STK11: variants seen among roughly 807,000 people sequenced by gnomAD.
STK11 encodes the protein serine/threonine kinase 11, also known as serine/threonine-protein kinase STK11.
In STK11, 8 loss-of-function variants were observed where a neutral mutation model predicts 47.3. The ratio of observed to expected loss-of-function variants is 0.17; its 90% CI spans 0.10 to 0.31. The LOEUF is 0.31. Ranked by LOEUF, STK11 falls within the 10% of genes least tolerant of loss-of-function variation. The probability of loss-of-function intolerance (pLI) is 1.00; values close to 1 mark genes in which losing one functional copy is unlikely to be tolerated. For missense variants in STK11, 475 were observed against 605.0 expected (o/e 0.79, Z 2.25); for synonymous variants, 330 against 255.8 (o/e 1.29, Z -2.77).
chr19:1,219,399 G>A lies in STK11; in HGVS notation c.450G>A (p.Val150=), dbSNP rs1555737821. 4 of 1,578,342 alleles carry A rather than the reference G, an allele frequency of 2.5e-6. No individual in the cohort carries two copies. Among genetic ancestry groups the A allele is most frequent in the Non-Finnish European group, 3.4e-6 (4 of 1,163,970 alleles). ...GCGTGCCGGAGAAGCGTTTCCCAGT[G>A]TGCCAGGCCCACGGGTGCGTGCGCG... ...LDSVPEKRFP[V]CQAHGYFCQL... Residue 150 remains valine, a synonymous_variant, in exon 3 of 10, where the codon GTG becomes GTA. Transcript: ENST00000326873.
chr19:1,227,492 C>A, intron 9 of STK11, 101 bp from the exon 10 acceptor site: 1 of 1,052,124 alleles, frequency 9.5e-7, no homozygotes, highest in Non-Finnish European at 1.2e-6. Context: ...AGTCCGGTAG[C>A]CCCATGACTG....
In STK11 at chr19:1,206,639, C is replaced by G; in HGVS notation, c.-275C>G. ...CGTCTCCCAGTTCTGAGGCCCGGGT[C>G]CCACTGGAACTCGCGTCTGAGCCGC... On this transcript the variant is annotated 5_prime_UTR_variant, in exon 1 of 10. Coordinates refer to ENST00000326873, the MANE Select transcript of STK11 (RefSeq NM_000455.5). The G allele has an allele frequency of 1.9e-6, 1 of 516,410 alleles. No homozygotes were observed. The highest frequency in any genetic ancestry group is 2.6e-5 in the South Asian group (1 of 39,072). 32.0% of individuals were successfully genotyped at this position (516,410 alleles called of 1,614,324 possible).
intron 8 of STK11, 52 bp downstream of exon 8, chr19:1,223,224 C>T (rs2145431675): frequency 6.4e-7 from 1 of 1,569,336 alleles, no homozygotes; most frequent in Non-Finnish European, 8.6e-7. Context: ...CCAGGATGTC[C>T]CACGGGAGCA....
At chr19:1,215,374 C>T (rs969888954) in intron 1 of STK11, among the ~76,000 whole-genome samples, 15 of 152,356 alleles carry the variant, frequency 9.8e-5, no homozygotes, top group African/African-American at 2.9e-4. Context: ...AAGTGGGGGA[C>T]GCTTTCAGGG....
chr19:1,219,535 T>G (rs1182684339), intron 3 of STK11, 122 bp downstream of exon 3: 8 of 967,754 alleles, frequency 8.3e-6, no homozygotes. Context: ...CAAGTTTTTT[T>G]GTTTTTTTGT....
rs529345347 is a variant in STK11 at position 1,208,006 on chromosome 19, G to A, written c.290+803G>A. ...TGGCCGGGGGTGTCCCTGCCTTATCGCAGCCAGACACGCTGCACCTGCCGC... is the reference window on the plus strand; with the variant it reads ...TGGCCGGGGGTGTCCCTGCCTTATCACAGCCAGACACGCTGCACCTGCCGC... On this transcript the variant is annotated intron_variant, in intron 1 of 9. Transcript: ENST00000326873. Among the ~76,000 whole-genome samples the A allele has an allele frequency of 2.0e-5, 3 of 152,314 alleles. No homozygotes were observed. In the East Asian group the frequency reaches 5.8e-4, roughly 29 times the overall value.
rs747435838 is a variant in STK11, at chr19:1,206,964, G to A, written c.51G>A (p.Leu17=). 6.2e-7 allele frequency: 1 copy of A among 1,610,240 alleles called. No homozygotes were observed. Among genetic ancestry groups the A allele is most frequent in the Non-Finnish European group, 8.5e-7 (1 of 1,178,496 alleles). Residue 17 remains leucine, a synonymous_variant, in exon 1 of 10, where the codon CTG becomes CTA. Coordinates refer to ENST00000326873, the MANE Select transcript of STK11 (RefSeq NM_000455.5). ...TGGGCATGTTCACGGAGGGCGAGCT[G>A]ATGTCGGTGGGTATGGACACGTTCA... ...QQLGMFTEGE[L]MSVGMDTFIH...
chr19:1,223,842 G>A, intron 8 of STK11: 1 of 1,026,854 alleles, frequency 9.7e-7, no homozygotes, highest in Non-Finnish European at 1.2e-6. Context: ...TTCGGCCCAG[G>A]GCTGGGCCGT....
At position 1,228,056 on chromosome 19, in the gene STK11, T is replaced by A. The variant is rs1446502466; in HGVS notation, c.*480T>A. 9.4e-7 allele frequency: 1 copy of A among 1,065,380 alleles called. No homozygotes were observed. The highest frequency in any genetic ancestry group is 1.1e-6 in the Non-Finnish European group (1 of 879,354). The allele number at this position is 1,065,380 out of a possible 1,614,324, so 66.0% of individuals were successfully genotyped here. A position where few individuals can be genotyped will look rare whatever the true frequency, so the allele number is the denominator to read the frequency against. On this transcript the variant is annotated 3_prime_UTR_variant, in exon 10 of 10. Coordinates refer to ENST00000326873, the MANE Select transcript of STK11 (RefSeq NM_000455.5). ...TGTTTGGTTGGTTCCATTTTCTTTT[T>A]TTCTTTTTTTTTTTAAGAAAAAATA... is the stretch of plus-strand genomic sequence containing the variant.
At chr19:1,209,806 G>A (rs2080696963) in intron 1 of STK11, among the ~76,000 whole-genome samples, 1 of 152,026 alleles carries the variant, frequency 6.6e-6, no homozygotes, top group Non-Finnish European at 1.5e-5. Flanking sequence ...GGTGGAGACA[G>A]GCAAGAAGGT....
intron 1 of STK11, among the ~76,000 whole-genome samples, chr19:1,208,275 C>G (rs557011009): frequency 1.3e-5 from 2 of 151,508 alleles, no homozygotes; most frequent in South Asian, 2.1e-4. Flanking sequence ...TCTCACCTCT[C>G]TCCTGCTCAG....
intron 1 of STK11, among the ~76,000 whole-genome samples, chr19:1,216,860 A>G (rs2080748226): frequency 6.6e-6 from 1 of 150,724 alleles, no homozygotes; most frequent in Admixed American, 6.6e-5. Flanking sequence ...AGTGCATCAC[A>G]CACTGTGTGT....
Position 1,228,236 on chromosome 19 carries a change from C to T in STK11, c.*660C>T, listed in dbSNP as rs779428892. 5 of 641,976 alleles carry T rather than the reference C, an allele frequency of 7.8e-6. No individual in the cohort carries two copies. Among genetic ancestry groups the T allele is most frequent in the Non-Finnish European group, 1.0e-5 (5 of 492,876 alleles). The allele number at this position is 641,976 out of a possible 1,614,324, so 39.8% of individuals were successfully genotyped here. A position where few individuals can be genotyped will look rare whatever the true frequency, so the allele number is the denominator to read the frequency against. On this transcript the variant is annotated 3_prime_UTR_variant, in exon 10 of 10. Coordinates refer to ENST00000326873, the MANE Select transcript of STK11 (RefSeq NM_000455.5). ...GAGGGCAGGACCCTCACCTCTCCCC[C>T]AAGGCCACTGCGCTCTTGGGACCCC...
At chr19:1,220,972 A>AG (rs950031893) in intron 5 of STK11, among the ~76,000 whole-genome samples, 1 of 152,174 alleles carries the variant, frequency 6.6e-6, no homozygotes, top group Non-Finnish European at 1.5e-5. Context: ...AGAGCCCCAC[A>AG]GGGAAGCTGG....
Position 1,227,766 on chromosome 19 carries a change from C to T in STK11, c.*190C>T. 9.3e-7 allele frequency: 1 copy of T among 1,073,634 alleles called. No homozygotes were observed. Among genetic ancestry groups the T allele is most frequent in the Non-Finnish European group, 1.1e-6 (1 of 884,384 alleles). The allele number at this position is 1,073,634 out of a possible 1,614,324, so 66.5% of individuals were successfully genotyped here. ...ACAGCAGGGACCGGGCGCAGCCCTCCCCCCTCGGCCGCCCGGCAGTGCACG... is the reference window on the plus strand; with the variant it reads ...ACAGCAGGGACCGGGCGCAGCCCTCTCCCCTCGGCCGCCCGGCAGTGCACG... On this transcript the variant is annotated 3_prime_UTR_variant, in exon 10 of 10. Coordinates refer to ENST00000326873, the MANE Select transcript of STK11 (RefSeq NM_000455.5).
intron 1 of STK11, among the ~76,000 whole-genome samples, chr19:1,207,951 C>A (rs2080679875): frequency 6.6e-6 from 1 of 152,226 alleles, no homozygotes; most frequent in Admixed American, 6.5e-5. Flanking sequence ...GCAGCACTGG[C>A]CGGCCTGAGC....
rs2080665527 is a variant in STK11, at chr19:1,206,431, G to C, written c.-483G>C. 1 of 236,468 alleles carries C rather than the reference G, an allele frequency of 4.2e-6. No homozygotes were observed. Among genetic ancestry groups the C allele is most frequent in the African/African-American group, 2.2e-5 (1 of 45,338 alleles). 14.6% of individuals were successfully genotyped at this position (236,468 alleles called of 1,614,324 possible). A position where few individuals can be genotyped will look rare whatever the true frequency, so the allele number is the denominator to read the frequency against. On this transcript the variant is annotated 5_prime_UTR_variant, in exon 1 of 10. Transcript: ENST00000326873. ...CAGCGAAGTTGGGCTCTCCAGGTGT[G>C]GGGGTCCCGGGGGGTAGCGACGTCG...
At chr19:1,215,313 C>T (rs904770243) in intron 1 of STK11, among the ~76,000 whole-genome samples, 20 of 152,218 alleles carry the variant, frequency 1.3e-4, no homozygotes, top group African/African-American at 4.3e-4. Context: ...CCAGAGAGAA[C>T]GGAAACACAG....
chr19:1,227,094 C>T (rs1289453225), intron 9 of STK11: 2 of 182,438 alleles, frequency 1.1e-5, no homozygotes, highest in Non-Finnish European at 2.3e-5. Flanking sequence ...TGCCGGGGTG[C>T]CGCAGGCTCT....
Sources: allele counts gnomAD v4.1 joint callset (sites outside exome capture counted in the v4.1 genomes callset), GRCh38; gene constraint gnomAD v4.1.1; transcripts MANE v1.5; gene names NCBI Gene and HGNC (gene_info 2026-07-23, HGNC 2026-07-21).